The following IGSF22 variants were observed in gnomAD, a reference collection of about 807,000 sequenced individuals.
The protein encoded by IGSF22 is immunoglobulin superfamily, member 22.
In IGSF22, 119 loss-of-function variants were observed where a neutral mutation model predicts 127.0. The observed-to-expected ratio is 0.94, with a 90% CI of 0.81 to 1.09. The LOEUF (loss-of-function observed/expected upper bound fraction) is 1.09. Among genes scored for constraint, IGSF22 ranks in the 50% least tolerant of loss-of-function variants. The pLI, the probability that IGSF22 is intolerant of heterozygous loss-of-function variation, is 0.00. For synonymous variants in IGSF22, 568 were observed against 664.7 expected (o/e 0.85, Z 2.24); for missense variants, 1,518 against 1,716.6 (o/e 0.88, Z 2.04).
intron 4 of IGSF22, among the ~76,000 whole-genome samples, chr11:18,720,794 CA>C (rs1440688250): frequency 2.0e-5 from 3 of 152,130 alleles, no homozygotes; most frequent in Admixed American, 6.5e-5. Context: ...AGGTGGCCAT[CA>C]GGGGGACTGG....
At chr11:18,723,706 T>G (rs978825263) in intron 2 of IGSF22, among the ~76,000 whole-genome samples, 2 of 152,202 alleles carry the variant, frequency 1.3e-5, no homozygotes, top group African/African-American at 4.8e-5. Flanking sequence ...ACCTTCTTTC[T>G]CCACTGGTAG....
chr11:18,720,629 C>A (rs1848554253), intron 4 of IGSF22, among the ~76,000 whole-genome samples: 1 of 152,222 alleles, frequency 6.6e-6, no homozygotes, highest in South Asian at 2.1e-4. Context: ...ATACAATTTA[C>A]TCCTCTGTAC....
chr11:18,712,589 C>G (rs2134161983), intron 14 of IGSF22, among the ~76,000 whole-genome samples: 1 of 152,328 alleles, frequency 6.6e-6, no homozygotes, highest in South Asian at 2.1e-4. Context: ...TCCCATCTGC[C>G]TAGCAATGGG....
intron 2 of IGSF22, among the ~76,000 whole-genome samples, chr11:18,723,539 G>A (rs954827115): frequency 6.6e-6 from 1 of 152,240 alleles, no homozygotes; most frequent in African/African-American, 2.4e-5. Context: ...TTGGCCCCCG[G>A]CCATCTTTTA....
chr11:18,717,071 CTCACATG>C, intron 9 of IGSF22, 71 bp from the exon 10 acceptor site: 6 of 1,532,336 alleles, frequency 3.9e-6, no homozygotes, highest in Non-Finnish European at 4.5e-6. Flanking sequence ...GAAGAGGGCA[CTCACATG>C]TCACTGGCCT....
chr11:18,712,315 C>T lies in IGSF22; in HGVS notation c.2165G>A (p.Trp722Ter). The T allele has an allele frequency of 6.4e-7, 1 of 1,551,696 alleles. No homozygotes were observed. Among genetic ancestry groups the T allele is most frequent in the Non-Finnish European group, 8.7e-7 (1 of 1,146,988 alleles). The change falls in exon 15 of 23, where the codon TGG becomes TAG. Residue 722 changes from tryptophan to a stop codon, truncating the protein, a stop_gained. Coordinates refer to ENST00000513874, the MANE Select transcript of IGSF22 (RefSeq NM_173588.4). LOFTEE classifies it high-confidence loss of function. ...TCCACCATTGTCCTTTGGGGCCTTC[C>T]ACTTCATGTGCACACAACTACCTGA... ...ELSGSCVHMK[W>*]KAPKDNGGRP...
At chr11:18,718,162 C>T (rs1848497688) in intron 8 of IGSF22, 69 bp from the exon 9 acceptor site, 1 of 1,486,256 alleles carries the variant, frequency 6.7e-7, no homozygotes, top group African/African-American at 1.4e-5. Context: ...GTCTCCATTC[C>T]CCAGCGCCAG....
chr11:18,708,208 G>C lies in IGSF22; in HGVS notation c.3086C>G (p.Ser1029Cys), dbSNP rs1285004750. The C allele has an allele frequency of 6.5e-7, 1 of 1,541,744 alleles. No homozygotes were observed. Among genetic ancestry groups the C allele is most frequent in the Non-Finnish European group, 8.8e-7 (1 of 1,142,388 alleles). ...GTALCIHAAF[S>C]GSPPPDVIWQ... ...AGGTCAGGGTCAGGGACAACTCACA[G>C]AGAAGGCTGCATGGATGCAGAGGGC... Residue 1029 changes from serine (S) to cysteine (C), a missense_variant and splice_region_variant, in exon 19 of 23, where the codon TCT becomes TGT. Transcript: ENST00000513874.
chr11:18,705,482 C>T (rs1848206434), intron 22 of IGSF22: 2 of 283,936 alleles, frequency 7.0e-6, no homozygotes, highest in Non-Finnish European at 1.3e-5. Context: ...TAGGTTATTT[C>T]CAGAACCGTG....
Position 18,716,716 on chromosome 11 carries a change from C to G in IGSF22, c.1246+12G>C. The G allele has an allele frequency of 6.2e-7, 1 of 1,611,314 alleles. No homozygotes were observed. Among genetic ancestry groups the G allele is most frequent in the Non-Finnish European group, 8.5e-7 (1 of 1,177,582 alleles). On this transcript the variant is annotated intron_variant, in intron 10 of 22. Coordinates refer to ENST00000513874, the MANE Select transcript of IGSF22 (RefSeq NM_173588.4). The surrounding 1 kb of genome is among the most constrained non-coding windows in gnomAD (Gnocchi z 4.5). The stretch of plus-strand genomic sequence containing the variant: ...TAAAGCCCACCCCTTAGGCTCTTGC[C>G]CAACCACTCACGGTCAACAGTGAGC...
chr11:18,715,616 C>G lies in IGSF22; in HGVS notation c.1347G>C (p.Leu449=), dbSNP rs148620937. 9 of 1,613,986 alleles carry G rather than the reference C, an allele frequency of 5.6e-6. No homozygotes were observed. In the East Asian group the frequency reaches 1.8e-4, roughly 32 times the overall value. Residue 449 remains leucine (L), a synonymous_variant, in exon 11 of 23, where the codon CTG becomes CTC. Coordinates refer to ENST00000513874, the MANE Select transcript of IGSF22 (RefSeq NM_173588.4). ...GCAGCTGCCCATCCTTCTTCCAGCG[C>G]AGTGTCACATCCTTGGATGTCAGCT... The part of the protein sequence containing the change: ...ECELTSKDVT[L]RWKKDGQLLM...
chr11:18,719,551 A>C (rs1393669883), intron 7 of IGSF22, among the ~76,000 whole-genome samples, 165 bp downstream of exon 7: 2 of 152,190 alleles, frequency 1.3e-5, no homozygotes, highest in East Asian at 3.9e-4. Context: ...AAGTAGAAGG[A>C]AGGTGACTTG....
chr11:18,718,472 A>C, intron 8 of IGSF22, 143 bp downstream of exon 8: 1 of 687,516 alleles, frequency 1.5e-6, no homozygotes, highest in Non-Finnish European at 2.7e-6. Flanking sequence ...TTAAGAGTAG[A>C]GCCCAATTCC....
Position 18,724,158 on chromosome 11 carries a change from T to C in IGSF22, c.79A>G (p.Thr27Ala), listed in dbSNP as rs191360236. Residue 27 changes from threonine (T) to alanine (A), a missense_variant, in exon 2 of 23, where the codon ACC (threonine) becomes GCC (alanine). By Grantham distance (58) the Thr-to-Ala change is moderately conservative. Around this residue, in one of 3 missense-constraint regions of IGSF22, gnomAD observed 1,456 missense variants for 1,644.9 expected, o/e 0.89. Transcript: ENST00000513874. ...EFSSSTTHVQ[T>A]FSQTTKIVGE... ...ACGATCTTGGTTGTCTGGGAGAAGG[T>C]CTGCACGTGGGTGGTGGAGCTGGAG... The C allele has an allele frequency of 4.0e-3, 6,485 of 1,613,894 alleles. 22 individuals carry two copies. The highest frequency in any genetic ancestry group is 4.9e-3 in the Non-Finnish European group (5,750 of 1,179,824).
chr11:18,714,454 G>A (rs1376379867), intron 12 of IGSF22, 36 bp from the exon 13 acceptor site: 8 of 1,613,976 alleles, frequency 5.0e-6, no homozygotes, highest in Non-Finnish European at 6.8e-6. Flanking sequence ...GTGAGCATAG[G>A]CCAGGTCTAC....
chr11:18,706,909 C>A lies in IGSF22; in HGVS notation c.3580+5G>T. The A allele has an allele frequency of 6.7e-7, 1 of 1,487,460 alleles. No homozygotes were observed. Among genetic ancestry groups the A allele is most frequent in the Non-Finnish European group, 9.0e-7 (1 of 1,111,822 alleles). The allele number at this position is 1,487,460 out of a possible 1,614,324, so 92.1% of individuals were successfully genotyped here. On this transcript the variant is annotated splice_donor_5th_base_variant and intron_variant, in intron 21 of 22. Coordinates refer to ENST00000513874, the MANE Select transcript of IGSF22 (RefSeq NM_173588.4). ...CTTAACCCTAACTGCAAGTCCCAGA[C>A]TCACTCTGGTCCTTATTGATGAGCC...
rs1217757656 is a variant in IGSF22, at chr11:18,721,671, C to T, written c.242G>A (p.Gly81Glu). ...CCGGGCTCGGAACACGGCTTTGTCCCCTGCGATGAGCACAGGACGCGTTTT... is the reference window on the plus strand; with the variant it reads ...CCGGGCTCGGAACACGGCTTTGTCCTCTGCGATGAGCACAGGACGCGTTTT... ...EKPQPVTAPE[G>E]DKAVFRARVQ... The change falls in exon 4 of 23, where the codon GGG (glycine) becomes GAG (glutamate). Residue 81 changes from glycine to glutamate, a missense_variant and splice_region_variant. Transcript: ENST00000513874. 1 of 1,614,234 alleles carries T rather than the reference C, an allele frequency of 6.2e-7. No homozygotes were observed. Among genetic ancestry groups the T allele is most frequent in the Middle Eastern group, 1.6e-4 (1 of 6,062 alleles).
chr11:18,724,007 CTGTT>C, intron 2 of IGSF22, 117 bp downstream of exon 2: 1 of 673,184 alleles, frequency 1.5e-6, no homozygotes, highest in Non-Finnish European at 2.6e-6. Context: ...GTGGGGGTTG[CTGTT>C]GGTATTGTGG....
In IGSF22 at chr11:18,724,289, C is replaced by G; in HGVS notation, c.-33-20G>C. The G allele has an allele frequency of 7.7e-7, 1 of 1,290,762 alleles. No individual in the cohort carries two copies. Among genetic ancestry groups the G allele is most frequent in the Admixed American group, 1.7e-5 (1 of 58,870 alleles). The allele number at this position is 1,290,762 out of a possible 1,614,324, so 80.0% of individuals were successfully genotyped here. ...GTGAGACTGGGGAAGAGGATGAGGC[C>G]ATGAAGGACAAGACAGGGAGTAGGA... On this transcript the variant is annotated intron_variant, in intron 1 of 22. Transcript: ENST00000513874.
Sources: allele counts gnomAD v4.1 joint callset (sites outside exome capture counted in the v4.1 genomes callset), GRCh38; gene constraint gnomAD v4.1.1; regional missense constraint gnomAD v4.1.1; non-coding constraint Gnocchi (gnomAD v3.1); transcripts MANE v1.5; gene names NCBI Gene and HGNC (gene_info 2026-07-23, HGNC 2026-07-21).